The following BARX2 variants were observed in gnomAD, a reference collection of about 807,000 sequenced individuals.
BARX2 encodes the protein BARX homeobox 2.
A neutral mutation model predicts 25.5 loss-of-function variants in BARX2; 11 were observed. The observed-to-expected ratio is 0.43, with a 90% CI of 0.27 to 0.71. The LOEUF is 0.71. Among genes scored for constraint, BARX2 ranks in the 30% least tolerant of loss-of-function variants. The probability of loss-of-function intolerance (pLI) is 0.19; values close to 1 mark genes in which losing one functional copy is unlikely to be tolerated. For missense variants in BARX2, 360 were observed against 359.9 expected, an observed-to-expected ratio of 1.00 and a Z score of 0.00; for synonymous variants, 137 against 149.5, an observed-to-expected ratio of 0.92 and a Z score of 0.61.
chr11:129,397,683 G>A (rs1044158813), intron 1 of BARX2, among the ~76,000 whole-genome samples: 13 of 152,220 alleles, frequency 8.5e-5, no homozygotes, highest in African/African-American at 3.1e-4. Context: ...CCTCGTTCTT[G>A]TGGGAGGCAC....
intron 2 of BARX2, chr11:129,442,578 G>A (rs1862275065): frequency 2.1e-6 from 1 of 474,974 alleles, no homozygotes; most frequent in East Asian, 4.3e-5. Context: ...CAGGTCCCTT[G>A]CAGACCGTGA....
chr11:129,380,667 T>C (rs542310059), intron 1 of BARX2, among the ~76,000 whole-genome samples: 19 of 152,188 alleles, frequency 1.2e-4, no homozygotes, highest in Non-Finnish European at 2.4e-4. Flanking sequence ...CCTGTTCCCA[T>C]TGTAAGGGTA....
chr11:129,377,935 C>A (rs1476143626), intron 1 of BARX2, among the ~76,000 whole-genome samples: 2 of 152,190 alleles, frequency 1.3e-5, no homozygotes, highest in African/African-American at 4.8e-5. Context: ...TAATAAATAG[C>A]TGCAGAGAAT....
intron 2 of BARX2, 48 bp downstream of exon 2, chr11:129,437,099 G>A (rs1190601868): frequency 7.4e-6 from 11 of 1,483,170 alleles, no homozygotes; most frequent in African/African-American, 2.8e-5. Context: ...CCCTGGGAAC[G>A]GGAGACTTGC....
At chr11:129,442,765 C>T (rs3827487) in intron 2 of BARX2, 70 bp from the exon 3 acceptor site, 743,686 of 1,376,626 alleles carry the variant, frequency 0.54, 202,940 homozygotes, top group East Asian at 0.73. Context: ...CTGGAGCCTG[C>T]CAGCAGGATC....
At chr11:129,396,644 G>A (rs771284399) in intron 1 of BARX2, among the ~76,000 whole-genome samples, 6 of 152,104 alleles carry the variant, frequency 3.9e-5, no homozygotes, top group Non-Finnish European at 7.4e-5. Flanking sequence ...GTGGGGGGAC[G>A]GGGTGAGGTG....
rs955073847 is a variant in BARX2 at position 129,383,593 on chromosome 11, T to C, written c.187+7371T>C. 6.6e-5 allele frequency among the ~76,000 whole-genome samples: 10 copies of C among 152,286 alleles called. No individual in the cohort carries two copies. The South Asian group carries it at 8.3e-4, about 13-fold the overall frequency. Reference sequence around the variant, plus strand: ...GGCCCCTGCCAGTCACCAGTTGAAGTTGATTTCAGGGCTAGTTGAGAAGTC... The same window carrying C: ...GGCCCCTGCCAGTCACCAGTTGAAGCTGATTTCAGGGCTAGTTGAGAAGTC... On this transcript the variant is annotated intron_variant, in intron 1 of 3. Transcript: ENST00000281437.
chr11:129,411,840 C>A (rs1037610884), intron 1 of BARX2, among the ~76,000 whole-genome samples: 1 of 152,162 alleles, frequency 6.6e-6, no homozygotes, highest in Non-Finnish European at 1.5e-5. Flanking sequence ...CAGCTGGGAT[C>A]GAGACTCATA....
intron 1 of BARX2, among the ~76,000 whole-genome samples, chr11:129,399,997 C>T (rs1439873319): frequency 6.6e-6 from 1 of 152,122 alleles, no homozygotes; most frequent in Non-Finnish European, 1.5e-5. Context: ...GTCCAACCTC[C>T]TACCTCAGGA....
chr11:129,407,407 A>C (rs1222439965), intron 1 of BARX2, among the ~76,000 whole-genome samples: 3 of 152,160 alleles, frequency 2.0e-5, no homozygotes, highest in Admixed American at 6.6e-5. Context: ...GTTGTTTCCA[A>C]ACCCATCCCT....
chr11:129,405,868 G>A (rs1861824109), intron 1 of BARX2, among the ~76,000 whole-genome samples: 1 of 152,150 alleles, frequency 6.6e-6, no homozygotes, highest in Admixed American at 6.5e-5. Flanking sequence ...TCAGAGTCCA[G>A]ATCATGTACC....
chr11:129,436,903 G>A lies in BARX2; in HGVS notation c.340G>A (p.Glu114Lys), dbSNP rs867138901. The A allele has an allele frequency of 3.7e-6, 6 of 1,613,968 alleles. No homozygotes were observed. The highest frequency in any genetic ancestry group is 2.2e-5 in the East Asian group (1 of 44,886). The change falls in exon 2 of 4, where the codon GAG (glutamate) becomes AAG (lysine). Residue 114 changes from glutamate to lysine, a missense_variant. By Grantham distance (56) the Glu-to-Lys change is moderately conservative. Around this residue, in one of 3 missense-constraint regions of BARX2, gnomAD observed 240 missense variants for 228.7 expected, o/e 1.05. Coordinates refer to ENST00000281437, the MANE Select transcript of BARX2 (RefSeq NM_003658.5). This position sits in a 1 kb window ranked among gnomAD's most constrained non-coding sequence, Gnocchi z 4.5. ...GGTCTCTGCTGAGGCCCCAGGGGGC[G>A]AGGCCCTAGCCAGCAGCGAGTCAGA... ...EAVSAEAPGGEALASSESETE... is the reference protein window; with the variant it reads ...EAVSAEAPGGKALASSESETE...
Position 129,436,638 on chromosome 11 carries a change from T to G in BARX2, c.188-113T>G. The G allele has an allele frequency of 8.2e-7, 1 of 1,215,280 alleles. No homozygotes were observed. The highest frequency in any genetic ancestry group is 2.3e-5 in the Admixed American group (1 of 43,260). 75.3% of individuals were successfully genotyped at this position (1,215,280 alleles called of 1,614,324 possible). On this transcript the variant is annotated intron_variant, in intron 1 of 3. Transcript: ENST00000281437. This position sits in a 1 kb window ranked among gnomAD's most constrained non-coding sequence, Gnocchi z 4.5. The stretch of plus-strand genomic sequence containing the variant: ...TCCCCTTCCTCCATCTGTACCTCCT[T>G]AAGAGCAGGGCCCTCCCTGTCAGAC...
intron 1 of BARX2, among the ~76,000 whole-genome samples, chr11:129,422,589 G>A (rs998270963): frequency 3.3e-5 from 5 of 149,720 alleles, no homozygotes; most frequent in South Asian, 2.1e-4. Context: ...GTGAGCCATC[G>A]TGTCCAGCCA....
intron 1 of BARX2, among the ~76,000 whole-genome samples, chr11:129,413,093 C>G (rs1034276805): frequency 2.0e-5 from 3 of 152,174 alleles, no homozygotes; most frequent in African/African-American, 7.2e-5. Context: ...TAAAGAACTG[C>G]AAATAATTCA....
At chr11:129,441,362 C>CCAGA (rs1323352595) in intron 2 of BARX2, among the ~76,000 whole-genome samples, 23 of 152,288 alleles carry the variant, frequency 1.5e-4, no homozygotes, top group Admixed American at 5.2e-4. Context: ...CTGGGCAGAG[C>CCAGA]CAGACAGTAA....
chr11:129,418,741 A>C (rs1333801414), intron 1 of BARX2, among the ~76,000 whole-genome samples: 1 of 152,154 alleles, frequency 6.6e-6, no homozygotes, highest in Non-Finnish European at 1.5e-5. Context: ...GCCTATTCTC[A>C]AGTAGTATAA....
intron 1 of BARX2, among the ~76,000 whole-genome samples, chr11:129,415,314 A>G (rs1861932904): frequency 6.6e-6 from 1 of 152,216 alleles, no homozygotes; most frequent in Admixed American, 6.5e-5. Context: ...CAGCCTGGCC[A>G]GTTCTCCTCA....
chr11:129,430,310 T>G (rs556696851), intron 1 of BARX2, among the ~76,000 whole-genome samples: 1 of 152,350 alleles, frequency 6.6e-6, no homozygotes, highest in African/African-American at 2.4e-5. Flanking sequence ...ACTTATATTT[T>G]GTAAAATAAC....
Sources: allele counts gnomAD v4.1 joint callset (sites outside exome capture counted in the v4.1 genomes callset), GRCh38; gene constraint gnomAD v4.1.1; regional missense constraint gnomAD v4.1.1; non-coding constraint Gnocchi (gnomAD v3.1); transcripts MANE v1.5; gene names NCBI Gene and HGNC (gene_info 2026-07-23, HGNC 2026-07-21).